The following SETBP1 variants were observed in gnomAD, a reference collection of about 807,000 sequenced individuals.
The protein encoded by SETBP1 is SET-binding protein.
In SETBP1, 9 loss-of-function variants were observed where a neutral mutation model predicts 101.0. The ratio of observed to expected loss-of-function variants is 0.09; its 90% CI spans 0.05 to 0.16. The LOEUF (loss-of-function observed/expected upper bound fraction) is 0.16. Ranked by LOEUF, SETBP1 falls within the 10% of genes least tolerant of loss-of-function variation. The pLI is 1.00. For missense variants in SETBP1, 1,858 were observed against 2,033.8 expected (o/e 0.91, Z 1.66); for synonymous variants, 818 against 788.5 (o/e 1.04, Z -0.63).
At chr18:45,040,159 T>C (rs1026151357) in intron 5 of SETBP1, among the ~76,000 whole-genome samples, 1 of 152,186 alleles carries the variant, frequency 6.6e-6, no homozygotes, top group Non-Finnish European at 1.5e-5. Context: ...TCTGAAGGAA[T>C]GGGGTCATCT....
At chr18:44,727,962 T>A (rs1316740964) in intron 2 of SETBP1, among the ~76,000 whole-genome samples, 1 of 152,138 alleles carries the variant, frequency 6.6e-6, no homozygotes, top group Non-Finnish European at 1.5e-5. Context: ...AAAAAGAGAC[T>A]GAATTTGAGG....
chr18:44,936,505 A>T (rs1031009274), intron 3 of SETBP1, among the ~76,000 whole-genome samples: 1 of 152,072 alleles, frequency 6.6e-6, no homozygotes, highest in Non-Finnish European at 1.5e-5. Context: ...TTTTATTTGT[A>T]AGTCACATAA....
At chr18:44,891,624 T>G (rs2069771975) in intron 3 of SETBP1, among the ~76,000 whole-genome samples, 1 of 141,774 alleles carries the variant, frequency 7.1e-6, no homozygotes, top group African/African-American at 2.6e-5. Flanking sequence ...TAACTCAGGC[T>G]GCAAATGTTC....
At chr18:44,875,647 C>G (rs574266282) in intron 3 of SETBP1, among the ~76,000 whole-genome samples, 25 of 151,714 alleles carry the variant, frequency 1.6e-4, no homozygotes, top group African/African-American at 5.8e-4. Flanking sequence ...CTGCTTTTGG[C>G]TCAATACACA....
At chr18:45,047,060 A>G (rs1393614026) in intron 5 of SETBP1, among the ~76,000 whole-genome samples, 1 of 152,192 alleles carries the variant, frequency 6.6e-6, no homozygotes, top group Admixed American at 6.5e-5. Context: ...CATACAGATT[A>G]TGCTCCCAAC....
intron 5 of SETBP1, among the ~76,000 whole-genome samples, chr18:45,060,259 C>A (rs2073870765): frequency 6.6e-6 from 1 of 152,124 alleles, no homozygotes; most frequent in South Asian, 2.1e-4. Flanking sequence ...GCAAGCTTGA[C>A]CTGAAATTGC....
chr18:44,825,898 C>T (rs2072227782), intron 2 of SETBP1, among the ~76,000 whole-genome samples: 1 of 152,216 alleles, frequency 6.6e-6, no homozygotes, highest in Admixed American at 6.5e-5. Flanking sequence ...CTGTCACCTA[C>T]TAACTGTGTG....
chr18:44,939,046 T>C (rs1232023427), intron 3 of SETBP1, among the ~76,000 whole-genome samples: 1 of 151,954 alleles, frequency 6.6e-6, no homozygotes, highest in Non-Finnish European at 1.5e-5. Context: ...CATTTTTGAA[T>C]GGATTTCTCA....
At chr18:44,969,216 C>A (rs1030515888) in intron 4 of SETBP1, among the ~76,000 whole-genome samples, 2 of 152,126 alleles carry the variant, frequency 1.3e-5, no homozygotes, top group African/African-American at 4.8e-5. Context: ...GGTTTCAAGG[C>A]GGGGGAAGAA....
chr18:44,921,145 C>T (rs1043975101), intron 3 of SETBP1, among the ~76,000 whole-genome samples: 3 of 152,190 alleles, frequency 2.0e-5, no homozygotes, highest in African/African-American at 4.8e-5. Flanking sequence ...TTTTGTTCTT[C>T]ATAAAGTCAA....
chr18:44,849,757 A>T (rs1479320117), intron 2 of SETBP1, among the ~76,000 whole-genome samples: 1 of 152,042 alleles, frequency 6.6e-6, no homozygotes, highest in Non-Finnish European at 1.5e-5. Flanking sequence ...ACATAACCTC[A>T]CTGAGCCTCA....
At chr18:44,689,045 A>C (rs2068884560) in intron 1 of SETBP1, among the ~76,000 whole-genome samples, 1 of 152,196 alleles carries the variant, frequency 6.6e-6, no homozygotes, top group African/African-American at 2.4e-5. Flanking sequence ...TTCTGCAGCC[A>C]AAGTTGGAAC....
intron 2 of SETBP1, among the ~76,000 whole-genome samples, chr18:44,714,016 G>A (rs1260209389): frequency 6.6e-6 from 1 of 152,142 alleles, no homozygotes; most frequent in African/African-American, 2.4e-5. Context: ...TCCGAACCTG[G>A]TTTCTCATTT....
At chr18:44,811,477 G>A (rs994461214) in intron 2 of SETBP1, among the ~76,000 whole-genome samples, 5 of 152,192 alleles carry the variant, frequency 3.3e-5, no homozygotes, top group Admixed American at 6.5e-5. Context: ...TGCTGACTGC[G>A]GTAAAGAGAA....
At chr18:45,042,146 CTTTTTTTTTTTT>C (rs556269689) in intron 5 of SETBP1, among the ~76,000 whole-genome samples, 1 of 82,690 alleles carries the variant, frequency 1.2e-5, no homozygotes, top group Non-Finnish European at 2.3e-5. Flanking sequence ...CTTGAAACTG[CTTTTTTTTTTTT>C]TTTTTTTTTG....
chr18:44,831,901 G>C (rs1344206407), intron 2 of SETBP1, among the ~76,000 whole-genome samples: 4 of 152,176 alleles, frequency 2.6e-5, no homozygotes, highest in African/African-American at 9.7e-5. Flanking sequence ...TTGACCTTCT[G>C]TGGGACTGAG....
intron 2 of SETBP1, among the ~76,000 whole-genome samples, chr18:44,836,138 A>T: frequency 6.6e-6 from 1 of 151,452 alleles, no homozygotes; most frequent in Non-Finnish European, 1.5e-5. Flanking sequence ...TTTTATTGTA[A>T]ATGTTATTTA....
intron 4 of SETBP1, among the ~76,000 whole-genome samples, chr18:44,973,564 G>A (rs1171800359): frequency 2.6e-5 from 4 of 152,196 alleles, no homozygotes; most frequent in African/African-American, 9.6e-5. Flanking sequence ...TGGGGCCATT[G>A]GGGGCAAATG....
intron 2 of SETBP1, among the ~76,000 whole-genome samples, chr18:44,800,933 A>G (rs1158647679): frequency 7.9e-5 from 12 of 152,212 alleles, no homozygotes; most frequent in African/African-American, 2.9e-4. Context: ...CATATACACC[A>G]TGGAATACTA....
Sources: allele counts gnomAD v4.1 joint callset (sites outside exome capture counted in the v4.1 genomes callset), GRCh38; gene constraint gnomAD v4.1.1; transcripts MANE v1.5; gene names NCBI Gene and HGNC (gene_info 2026-07-23, HGNC 2026-07-21).